CTNNA3: variants seen among roughly 807,000 people sequenced by gnomAD.
CTNNA3 encodes the protein catenin alpha-3.
CTNNA3 carries 76 observed loss-of-function variants against 95.7 expected under a neutral mutation model. The observed-to-expected ratio is 0.79, with a 90% CI of 0.66 to 0.96. The LOEUF (loss-of-function observed/expected upper bound fraction) is 0.96, where lower values mean the gene tolerates loss of function less well. CTNNA3 is among the 40% of genes least tolerant of loss of function. CTNNA3 has a pLI of 0.00. For missense variants in CTNNA3, 1,191 were observed against 1,089.8 expected (o/e 1.09, Z -1.31); for synonymous variants, 431 against 374.4 (o/e 1.15, Z -1.74).
At chr10:66,960,423 A>G (rs986111628) in intron 7 of CTNNA3, among the ~76,000 whole-genome samples, 7 of 152,124 alleles carry the variant, frequency 4.6e-5, no homozygotes, top group African/African-American at 7.2e-5. Context: ...GAATTTTTCA[A>G]TTTGCCTCAT....
intron 12 of CTNNA3, among the ~76,000 whole-genome samples, chr10:66,286,627 G>T (rs2091594115): frequency 1.3e-5 from 2 of 152,050 alleles, no homozygotes; most frequent in Non-Finnish European, 2.9e-5. Context: ...GAAGTCTAGA[G>T]TAAAAAGGTG....
At chr10:66,238,938 T>C (rs556453672) in intron 13 of CTNNA3, among the ~76,000 whole-genome samples, 42 of 152,018 alleles carry the variant, frequency 2.8e-4, no homozygotes, top group African/African-American at 8.4e-4. Flanking sequence ...ATATGGTTTG[T>C]ATTTATGAGG....
intron 11 of CTNNA3, among the ~76,000 whole-genome samples, chr10:66,451,144 C>T (rs1466419853): frequency 2.6e-5 from 4 of 152,090 alleles, no homozygotes; most frequent in Non-Finnish European, 5.9e-5. Context: ...GTGTGATAGT[C>T]TTTAAGTAAA....
chr10:66,847,068 G>T lies in CTNNA3; in HGVS notation c.1048-71544C>A, dbSNP rs73310650. On this transcript the variant is annotated intron_variant, in intron 7 of 17. Coordinates refer to ENST00000433211, the MANE Select transcript of CTNNA3 (RefSeq NM_013266.4). ...TTTAATTCCCTACATCCACAAGGGA[G>T]CCAGTTTCTAGGCTGCTTGCAGAAG... Among the ~76,000 whole-genome samples, 302 of 152,280 alleles carry T rather than the reference G, an allele frequency of 2.0e-3. 1 individual carries two copies. The highest frequency in any genetic ancestry group is 6.6e-3 in the African/African-American group (274 of 41,566).
intron 7 of CTNNA3, among the ~76,000 whole-genome samples, chr10:67,170,774 G>T (rs1338550706): frequency 6.6e-6 from 1 of 152,016 alleles, no homozygotes; most frequent in African/African-American, 2.4e-5. Context: ...CTAAAAAAAG[G>T]TTAAAAAAAC....
At chr10:65,992,213 T>C (rs988345588) in intron 15 of CTNNA3, among the ~76,000 whole-genome samples, 2 of 152,100 alleles carry the variant, frequency 1.3e-5, no homozygotes, top group African/African-American at 4.8e-5. Flanking sequence ...GTTTTCTTTC[T>C]TTCTTGTGTT....
chr10:67,713,064 A>G (rs1841121115), intron 1 of CTNNA3, among the ~76,000 whole-genome samples: 1 of 152,096 alleles, frequency 6.6e-6, no homozygotes. Context: ...CAGAATCTAC[A>G]AGGAACTTAA....
At chr10:67,101,311 C>CT (rs780748724) in intron 7 of CTNNA3, among the ~76,000 whole-genome samples, 1 of 151,644 alleles carries the variant, frequency 6.6e-6, no homozygotes, top group East Asian at 1.9e-4. Flanking sequence ...ATGTTCAACA[C>CT]TTTGTCAACT....
At chr10:67,198,461 G>GC (rs1245672275) in intron 6 of CTNNA3, among the ~76,000 whole-genome samples, 1 of 152,144 alleles carries the variant, frequency 6.6e-6, no homozygotes, top group East Asian at 1.9e-4. Context: ...AGGACAAGAA[G>GC]CAAGTCTTAT....
intron 13 of CTNNA3, among the ~76,000 whole-genome samples, chr10:66,256,684 G>T (rs571065299): frequency 2.6e-5 from 4 of 151,738 alleles, no homozygotes; most frequent in Admixed American, 2.0e-4. Context: ...TTGTGCCATA[G>T]CATTCCAGCC....
intron 7 of CTNNA3, among the ~76,000 whole-genome samples, chr10:66,841,534 A>T (rs1843066303): frequency 6.6e-6 from 1 of 152,184 alleles, no homozygotes; most frequent in Admixed American, 6.5e-5. Flanking sequence ...TATATTGGTC[A>T]TTGGTTTCAA....
intron 9 of CTNNA3, among the ~76,000 whole-genome samples, chr10:66,685,431 G>T (rs1847260920): frequency 8.5e-6 from 1 of 118,272 alleles, no homozygotes; most frequent in Non-Finnish European, 1.6e-5. Flanking sequence ...GGAGTGCAGT[G>T]GCGCTATCTC....
chr10:67,745,601 A>G (rs950999187), intron 1 of CTNNA3, among the ~76,000 whole-genome samples: 5 of 151,824 alleles, frequency 3.3e-5, no homozygotes, highest in African/African-American at 7.3e-5. Context: ...CATGGCACAT[A>G]TATACATATG....
intron 5 of CTNNA3, among the ~76,000 whole-genome samples, chr10:67,466,185 A>T (rs1564669329): frequency 1.3e-5 from 2 of 152,092 alleles, no homozygotes; most frequent in African/African-American, 4.8e-5. Context: ...GTACAATGCT[A>T]TTTTTTCTAA....
intron 12 of CTNNA3, among the ~76,000 whole-genome samples, chr10:66,282,076 A>G (rs2091502665): frequency 6.6e-6 from 1 of 151,892 alleles, no homozygotes; most frequent in Non-Finnish European, 1.5e-5. Context: ...ACCATTTTGA[A>G]GAGTGGATAT....
At chr10:67,691,547 C>T (rs1190901391) in intron 1 of CTNNA3, among the ~76,000 whole-genome samples, 2 of 151,246 alleles carry the variant, frequency 1.3e-5, no homozygotes, top group Non-Finnish European at 3.0e-5. Context: ...CCCTGCCGCC[C>T]CGTCCGGGAT....
chr10:65,951,621 C>T (rs2077614709), intron 17 of CTNNA3, among the ~76,000 whole-genome samples: 1 of 152,112 alleles, frequency 6.6e-6, no homozygotes, highest in African/African-American at 2.4e-5. Context: ...ATACCACCCA[C>T]TCCTCTCCTA....
intron 11 of CTNNA3, among the ~76,000 whole-genome samples, chr10:66,444,992 A>G (rs1393651618): frequency 6.6e-6 from 1 of 152,064 alleles, no homozygotes; most frequent in Non-Finnish European, 1.5e-5. Context: ...TACCAAGCAA[A>G]TGGAAAACAA....
At chr10:67,589,037 G>C (rs1289632735) in intron 3 of CTNNA3, among the ~76,000 whole-genome samples, 1 of 151,540 alleles carries the variant, frequency 6.6e-6, no homozygotes, top group Non-Finnish European at 1.5e-5. Flanking sequence ...CCCACAAAAA[G>C]GTTTCAATAA....
Sources: allele counts gnomAD v4.1 joint callset (sites outside exome capture counted in the v4.1 genomes callset), GRCh38; gene constraint gnomAD v4.1.1; transcripts MANE v1.5; gene names NCBI Gene and HGNC (gene_info 2026-07-23, HGNC 2026-07-21).